Variants in CEP128 observed in about 807,000 individuals in gnomAD.
CEP128 encodes the protein centrosomal protein 128kDa.
CEP128 carries 132 observed loss-of-function variants against 156.7 expected under a neutral mutation model. That is an observed-to-expected ratio of 0.84 (90% CI 0.73 to 0.97). The LOEUF is 0.97. Among genes scored for constraint, CEP128 ranks in the 50% least tolerant of loss-of-function variants. CEP128 has a pLI of 0.00. For missense variants in CEP128, 1,252 were observed against 1,281.9 expected (o/e 0.98, Z 0.36); for synonymous variants, 469 against 448.9 (o/e 1.04, Z -0.57).
At chr14:80,553,255 C>T (rs1890287419) in intron 21 of CEP128, among the ~76,000 whole-genome samples, 1 of 152,170 alleles carries the variant, frequency 6.6e-6, no homozygotes, top group Admixed American at 6.6e-5. Flanking sequence ...TTACCCCCAA[C>T]CGACATGCCC....
intron 21 of CEP128, among the ~76,000 whole-genome samples, chr14:80,532,325 T>C (rs1324255880): frequency 6.6e-6 from 1 of 152,100 alleles, no homozygotes; most frequent in Non-Finnish European, 1.5e-5. Context: ...TCTGAGGACC[T>C]GGGACTACAG....
At chr14:80,701,255 A>C (rs1897064531) in intron 19 of CEP128, among the ~76,000 whole-genome samples, 1 of 152,122 alleles carries the variant, frequency 6.6e-6, no homozygotes, top group Admixed American at 6.6e-5. Context: ...GAGGCAGCTG[A>C]GAGTGTAGCT....
chr14:80,568,308 C>T (rs1167000576), intron 20 of CEP128, among the ~76,000 whole-genome samples: 1 of 152,214 alleles, frequency 6.6e-6, no homozygotes, highest in African/African-American at 2.4e-5. Flanking sequence ...CTTTAAATTA[C>T]AGCACTGGAT....
intron 21 of CEP128, among the ~76,000 whole-genome samples, chr14:80,559,073 T>A (rs2122425): frequency 8.6e-5 from 13 of 151,960 alleles, no homozygotes; most frequent in African/African-American, 3.1e-4. Context: ...CACTTAAGTA[T>A]GCTCACATTT....
intron 19 of CEP128, among the ~76,000 whole-genome samples, chr14:80,597,405 T>C (rs1892376394): frequency 6.6e-6 from 1 of 152,172 alleles, no homozygotes; most frequent in Non-Finnish European, 1.5e-5. Context: ...GCCTTGTAAC[T>C]ATTCAGAACA....
At chr14:80,624,286 AT>A (rs745771050) in intron 19 of CEP128, among the ~76,000 whole-genome samples, 3 of 152,020 alleles carry the variant, frequency 2.0e-5, no homozygotes, top group Non-Finnish European at 4.4e-5. Context: ...TTTTTATCCC[AT>A]TGTGCATATA....
exon 15 of CEP128, chr14:80,478,146 T>C (rs1262027866): frequency 1.3e-5 from 2 of 152,122 alleles, no homozygotes; most frequent in Admixed American, 1.3e-4. Flanking sequence ...CTGTATTTGA[T>C]AGGGCAGAAA....
intron 24 of CEP128, among the ~76,000 whole-genome samples, chr14:80,498,404 A>G (rs1192751333): frequency 5.9e-5 from 9 of 152,018 alleles, no homozygotes; most frequent in Non-Finnish European, 8.8e-5. Flanking sequence ...CTCCTGCATG[A>G]CTCCCTCATC....
intron 14 of CEP128, among the ~76,000 whole-genome samples, chr14:80,481,190 C>T (rs1350831701): frequency 6.6e-6 from 1 of 152,128 alleles, no homozygotes; most frequent in Non-Finnish European, 1.5e-5. Context: ...AGAGGTTTAA[C>T]TGGACTTACA....
chr14:80,541,589 A>G (rs1363805483), intron 21 of CEP128, among the ~76,000 whole-genome samples: 1 of 151,414 alleles, frequency 6.6e-6, no homozygotes, highest in Admixed American at 6.6e-5. Flanking sequence ...CTTGCTTTTC[A>G]TTTTTTTCAC....
chr14:80,862,824 C>A lies in CEP128; in HGVS notation c.695G>T (p.Arg232Leu). The change falls in exon 9 of 25, where the codon CGC becomes CTC. Residue 232 changes from arginine (R) to leucine (L), a missense_variant. By Grantham distance (102) the Arg-to-Leu change is moderately radical (BLOSUM62 -2). Transcript: ENST00000555265. ...RRLQELEREM[R>L]TERELVERRQ... The stretch of plus-strand genomic sequence containing the variant: ...TCTTTCCACCAGCTCCCTTTCTGTG[C>A]GCATCTCTCTCTCCAGTTCCTGAAG... The A allele has an allele frequency of 1.2e-6, 2 of 1,613,962 alleles. No individual in the cohort carries two copies. Among genetic ancestry groups the A allele is most frequent in the Non-Finnish European group, 8.5e-7 (1 of 1,179,920 alleles).
chr14:80,860,486 T>A (rs1887462073), intron 9 of CEP128, among the ~76,000 whole-genome samples: 1 of 152,140 alleles, frequency 6.6e-6, no homozygotes, highest in Non-Finnish European at 1.5e-5. Context: ...TTGTGCATTC[T>A]GCAAAGAGAG....
intron 8 of CEP128, among the ~76,000 whole-genome samples, chr14:80,892,015 G>C (rs1318526133): frequency 6.7e-6 from 1 of 149,936 alleles, no homozygotes; most frequent in Non-Finnish European, 1.5e-5. Context: ...ATATAGGTTT[G>C]ACATAATCCA....
chr14:80,745,887 CAA>C (rs1348850928), intron 18 of CEP128, among the ~76,000 whole-genome samples: 4 of 151,602 alleles, frequency 2.6e-5, no homozygotes, highest in Non-Finnish European at 5.9e-5. Flanking sequence ...TCTATTAGAA[CAA>C]AAGAGTCCAG....
Position 80,629,983 on chromosome 14 carries a change from T to C in CEP128, c.2807-49560A>G, listed in dbSNP as rs572887777. Among the ~76,000 whole-genome samples, 177 of 152,102 alleles carry C rather than the reference T, an allele frequency of 1.2e-3. 1 individual carries two copies. Among genetic ancestry groups the C allele is most frequent in the African/African-American group, 4.2e-3 (174 of 41,566 alleles). On this transcript the variant is annotated intron_variant, in intron 19 of 24. Coordinates refer to ENST00000555265, the MANE Select transcript of CEP128 (RefSeq NM_152446.5). ...CTCCATGATGAATTCATGTAGCTTG[T>C]AAGTTCCTAAAATCATGCCATCTAA...
intron 19 of CEP128, among the ~76,000 whole-genome samples, chr14:80,636,840 A>C (rs1329868182): frequency 6.6e-6 from 1 of 152,096 alleles, no homozygotes; most frequent in Non-Finnish European, 1.5e-5. Context: ...TAATCCCAGC[A>C]CTTTGGGAGG....
intron 2 of CEP128, chr14:80,955,994 ATG>A: frequency 3.4e-5 from 34 of 994,700 alleles, no homozygotes; most frequent in Non-Finnish European, 4.3e-5. Flanking sequence ...GTGTGTGTAG[ATG>A]TGTGTGTGTG....
Position 80,785,088 on chromosome 14 carries a change from T to A in CEP128, c.2018A>T (p.Lys673Ile). 6.2e-7 allele frequency: 1 copy of A among 1,614,206 alleles called. No homozygotes were observed. The highest frequency in any genetic ancestry group is 8.5e-7 in the Non-Finnish European group (1 of 1,180,006). Residue 673 changes from lysine to isoleucine, a missense_variant, in exon 15 of 25, where the codon AAA (lysine) becomes ATA (isoleucine). Lys to Ile is a moderately radical substitution (Grantham distance 102, BLOSUM62 -3). Transcript: ENST00000555265. Reference protein sequence around the residue: ...KDLSDLTAQAKSRDEETATII... With the variant: ...KDLSDLTAQAISRDEETATII... Reference sequence around the variant, plus strand: ...TGTAGCTGTTTCTTCATCCCTGGATTTTGCCTGTGCAGTGAGGTCAGAAAG... The same window carrying A: ...TGTAGCTGTTTCTTCATCCCTGGATATTGCCTGTGCAGTGAGGTCAGAAAG...
At chr14:80,520,227 T>C (rs989555349) in intron 23 of CEP128, among the ~76,000 whole-genome samples, 3 of 152,168 alleles carry the variant, frequency 2.0e-5, no homozygotes, top group Admixed American at 2.0e-4. Context: ...GAGACCAGCC[T>C]GGCCAACATG....
Sources: gnomAD v4.1 joint callset for allele counts (sites outside exome capture counted in the v4.1 genomes callset) on GRCh38, gnomAD v4.1.1 for gene constraint, MANE v1.5 for transcripts, NCBI Gene and HGNC (gene_info 2026-07-23, HGNC 2026-07-21) for gene names.